Variants in CEP112 observed in about 807,000 individuals in gnomAD.
CEP112 encodes centrosomal protein of 112 kDa.
A neutral mutation model predicts 153.0 loss-of-function variants in CEP112; 127 were observed. The ratio of observed to expected loss-of-function variants is 0.83; its 90% CI spans 0.72 to 0.96. The LOEUF (loss-of-function observed/expected upper bound fraction) is 0.96, where lower values mean the gene tolerates loss of function less well. Ranked by LOEUF, CEP112 falls within the 40% of genes least tolerant of loss-of-function variation. The pLI is 0.00. For missense variants in CEP112, 1,089 were observed against 1,101.2 expected (o/e 0.99, Z 0.16); for synonymous variants, 358 against 374.4 (o/e 0.96, Z 0.51).
intron 18 of CEP112, among the ~76,000 whole-genome samples, chr17:65,936,545 A>C (rs7225445): frequency 0.41 from 62,899 of 151,920 alleles, 14,414 homozygotes; most frequent in East Asian, 0.87. Flanking sequence ...AAAAAAACAA[A>C]ACCCAGAATT....
intron 6 of CEP112, among the ~76,000 whole-genome samples, chr17:66,101,030 G>A (rs1242483403): frequency 6.6e-6 from 1 of 152,090 alleles, no homozygotes; most frequent in African/African-American, 2.4e-5. Context: ...ACTGAGAGAT[G>A]ACTGTACAAT....
chr17:65,968,217 G>A (rs963796040), intron 17 of CEP112, among the ~76,000 whole-genome samples: 1 of 152,150 alleles, frequency 6.6e-6, no homozygotes, highest in African/African-American at 2.4e-5. Flanking sequence ...CACTCAAGCA[G>A]AATGATAAGT....
chr17:66,141,771 T>C (rs2146614988), intron 4 of CEP112, among the ~76,000 whole-genome samples: 1 of 152,336 alleles, frequency 6.6e-6, no homozygotes, highest in Middle Eastern at 3.4e-3. Context: ...ATTTTGTTAA[T>C]CCATTCATTT....
At chr17:65,946,517 C>T (rs924498942) in intron 18 of CEP112, among the ~76,000 whole-genome samples, 2 of 152,106 alleles carry the variant, frequency 1.3e-5, no homozygotes, top group African/African-American at 2.4e-5. Context: ...TCTCTTTCTT[C>T]TGTTCCACTG....
intron 17 of CEP112, among the ~76,000 whole-genome samples, chr17:65,995,381 T>C (rs2063747621): frequency 6.6e-6 from 1 of 152,198 alleles, no homozygotes; most frequent in African/African-American, 2.4e-5. Flanking sequence ...CCTGTTCAAA[T>C]AGACATCTTT....
rs1462328087 is a variant in CEP112 at position 65,659,040 on chromosome 17, A to AAAT, written c.2698-17976_2698-17975insATT. ...CAAAAAAAAAAAAAAAAAAAAAAAA[A>AAAT]ATATCAGACCATTTCTATCCCCTGC... On this transcript the variant is annotated intron_variant, in intron 24 of 26. Coordinates refer to ENST00000535342, the MANE Select transcript of CEP112 (RefSeq NM_001199165.4). Among the ~76,000 whole-genome samples the AAAT allele has an allele frequency of 5.0e-3, 751 of 149,802 alleles. 45 individuals are homozygous for AAAT. Among genetic ancestry groups the AAAT allele is most frequent in the African/African-American group, 0.018 (713 of 39,820 alleles).
chr17:65,687,545 A>G (rs1380681059), intron 24 of CEP112, among the ~76,000 whole-genome samples: 2 of 152,192 alleles, frequency 1.3e-5, no homozygotes, highest in Non-Finnish European at 2.9e-5. Flanking sequence ...ACATTATATA[A>G]AACGTATATG....
intron 24 of CEP112, among the ~76,000 whole-genome samples, chr17:65,643,286 G>A (rs1309696051): frequency 2.1e-5 from 3 of 141,078 alleles, no homozygotes; most frequent in African/African-American, 7.8e-5. Flanking sequence ...CCTCAGGGAT[G>A]GTGAATCCCT....
At chr17:66,168,609 C>A (rs1342928622) in intron 4 of CEP112, among the ~76,000 whole-genome samples, 2 of 151,790 alleles carry the variant, frequency 1.3e-5, no homozygotes, top group African/African-American at 4.8e-5. Flanking sequence ...ACTCCACCAA[C>A]AAAGCAATTT....
intron 24 of CEP112, among the ~76,000 whole-genome samples, chr17:65,662,482 A>C (rs1207197863): frequency 6.6e-6 from 1 of 152,198 alleles, no homozygotes; most frequent in Non-Finnish European, 1.5e-5. Flanking sequence ...ACATCAAACC[A>C]AAAAAGGTCA....
At chr17:66,042,523 ACTC>A (rs1174386891) in intron 12 of CEP112, among the ~76,000 whole-genome samples, 1 of 151,916 alleles carries the variant, frequency 6.6e-6, no homozygotes, top group Non-Finnish European at 1.5e-5. Flanking sequence ...ACCAGTCAAT[ACTC>A]CTCAAAACTG....
Position 66,133,677 on chromosome 17 carries a change from A to G in CEP112, c.471-914T>C, listed in dbSNP as rs1283038984. ...GATTATGAACACCTATTCTCTGAAC[A>G]ACTGCTTCAAGATATATTAAATGGA... is the stretch of plus-strand genomic sequence containing the variant. On this transcript the variant is annotated intron_variant, in intron 4 of 26. Coordinates refer to ENST00000535342, the MANE Select transcript of CEP112 (RefSeq NM_001199165.4). 3.3e-5 allele frequency among the ~76,000 whole-genome samples: 5 copies of G among 152,198 alleles called. No homozygotes were observed. The East Asian group carries it at 7.7e-4, about 23-fold the overall frequency.
rs1401263806 is a variant in CEP112, at chr17:66,191,128, A to T, written c.-9+869T>A. On this transcript the variant is annotated intron_variant, in intron 1 of 26. Coordinates refer to ENST00000535342, the MANE Select transcript of CEP112 (RefSeq NM_001199165.4). This position sits in a 1 kb window ranked among gnomAD's most constrained non-coding sequence, Gnocchi z 4.2. ...TCTGGCCCGGCCCTACCATTTCCGCACCATTTCCATGGTCATTTCACAGAG... is the reference window on the plus strand; with the variant it reads ...TCTGGCCCGGCCCTACCATTTCCGCTCCATTTCCATGGTCATTTCACAGAG... Among the ~76,000 whole-genome samples, 2 of 152,084 alleles carry T rather than the reference A, an allele frequency of 1.3e-5. No individual in the cohort carries two copies. Among genetic ancestry groups the T allele is most frequent in the Non-Finnish European group, 2.9e-5 (2 of 68,010 alleles).
intron 6 of CEP112, among the ~76,000 whole-genome samples, chr17:66,107,033 AG>A (rs895257169): frequency 2.2e-4 from 34 of 152,316 alleles, no homozygotes; most frequent in African/African-American, 7.0e-4. Flanking sequence ...AACACAATGA[AG>A]GGCAAAAACT....
intron 23 of CEP112, among the ~76,000 whole-genome samples, chr17:65,707,079 C>T (rs1293731228): frequency 2.0e-5 from 3 of 152,180 alleles, no homozygotes; most frequent in Admixed American, 6.5e-5. Context: ...TTTTTACTGA[C>T]ATTCTCTGAT....
chr17:65,809,810 A>T (rs1284949899), intron 21 of CEP112, among the ~76,000 whole-genome samples: 1 of 152,032 alleles, frequency 6.6e-6, no homozygotes, highest in Non-Finnish European at 1.5e-5. Flanking sequence ...CATTTAAAGC[A>T]ATGAGACTGC....
intron 20 of CEP112, among the ~76,000 whole-genome samples, chr17:65,865,376 T>C (rs899453044): frequency 5.3e-5 from 8 of 152,144 alleles, no homozygotes; most frequent in African/African-American, 1.9e-4. Context: ...GCATGGCTCG[T>C]ATATAAGTGA....
chr17:65,805,298 T>C (rs1199369287), intron 21 of CEP112, among the ~76,000 whole-genome samples: 1 of 152,206 alleles, frequency 6.6e-6, no homozygotes, highest in Non-Finnish European at 1.5e-5. Context: ...TGGTGTGTAT[T>C]ATTTAGGAGC....
intron 17 of CEP112, among the ~76,000 whole-genome samples, chr17:65,989,070 C>CA (rs1296744570): frequency 4.7e-5 from 7 of 150,340 alleles, no homozygotes; most frequent in Admixed American, 1.3e-4. Flanking sequence ...ACTAAAAATA[C>CA]AAAAAAATTA....
Sources: allele counts gnomAD v4.1 joint callset (sites outside exome capture counted in the v4.1 genomes callset), GRCh38; gene constraint gnomAD v4.1.1; non-coding constraint Gnocchi (gnomAD v3.1); transcripts MANE v1.5; gene names NCBI Gene and HGNC (gene_info 2026-07-23, HGNC 2026-07-21).